LIMCH1: variants seen among roughly 807,000 people sequenced by gnomAD.
The protein encoded by LIMCH1 is LIM and calponin homology domains 1, also known as LIM and calponin homology domains-containing protein 1.
Under a neutral mutation model 176.5 loss-of-function variants are expected in LIMCH1, and 113 were observed. The observed-to-expected ratio is 0.64, with a 90% CI of 0.55 to 0.75. The LOEUF (loss-of-function observed/expected upper bound fraction) is 0.75. Among genes scored for constraint, LIMCH1 ranks in the 30% least tolerant of loss-of-function variants. The pLI is 0.00. For missense variants in LIMCH1, 1,674 were observed against 1,814.9 expected (o/e 0.92, Z 1.41); for synonymous variants, 619 against 645.9 (o/e 0.96, Z 0.63).
Position 41,699,803 on chromosome 4 carries a change from T to C in LIMCH1, c.*2618T>C, listed in dbSNP as rs1250272981. ...AGTGTGATTAATGCAATACATATTA[T>C]AGTTATCTATACACAGTGTAAGATT... On this transcript the variant is annotated 3_prime_UTR_variant, in exon 32 of 32. Coordinates refer to ENST00000503057, the MANE Select transcript of LIMCH1 (RefSeq NM_001330672.2). 1 of 152,234 alleles carries C rather than the reference T, an allele frequency of 6.6e-6. No individual in the cohort carries two copies. Among genetic ancestry groups the C allele is most frequent in the East Asian group, 1.9e-4 (1 of 5,206 alleles). The allele number at this position is 152,234 out of a possible 1,614,324, so 9.4% of individuals were successfully genotyped here.
chr4:41,629,648 C>T lies in LIMCH1; in HGVS notation c.1185C>T (p.Arg395=), dbSNP rs898043613. 1.6e-5 allele frequency: 25 copies of T among 1,536,012 alleles called. No homozygotes were observed. The highest frequency in any genetic ancestry group is 1.7e-4 in the Middle Eastern group (1 of 5,990). ...QRIQGSLAPH[R]EPPSFITLSN... ...TTCAGGGCAGCCTTGCCCCTCACCG[C>T]GAGCCCCCGAGCTTCATTACGCTCT... is the stretch of plus-strand genomic sequence containing the variant. The change falls in exon 9 of 32, where the codon CGC becomes CGT. Residue 395 remains arginine (R), a synonymous_variant. Coordinates refer to ENST00000503057, the MANE Select transcript of LIMCH1 (RefSeq NM_001330672.2).
intron 1 of LIMCH1, among the ~76,000 whole-genome samples, chr4:41,381,747 A>C (rs2055701881): frequency 6.6e-6 from 1 of 152,062 alleles, no homozygotes; most frequent in Admixed American, 6.5e-5. Context: ...AGGATGAGAG[A>C]CCTGGACAAA....
chr4:41,395,800 C>T (rs1022994396), intron 1 of LIMCH1, among the ~76,000 whole-genome samples: 3 of 152,092 alleles, frequency 2.0e-5, no homozygotes, highest in Non-Finnish European at 4.4e-5. Context: ...GAGCTAGCTC[C>T]TGCCTTCTGG....
intron 1 of LIMCH1, among the ~76,000 whole-genome samples, chr4:41,563,077 G>A (rs2152560236): frequency 6.6e-6 from 1 of 152,206 alleles, no homozygotes; most frequent in East Asian, 1.9e-4. Flanking sequence ...TGCTTAAGTT[G>A]GGAAGATTCA....
At chr4:41,558,478 C>T (rs1241432594) in intron 1 of LIMCH1, among the ~76,000 whole-genome samples, 1 of 152,166 alleles carries the variant, frequency 6.6e-6, no homozygotes, top group East Asian at 1.9e-4. Context: ...AATCCATATT[C>T]CTTTCCACAG....
intron 2 of LIMCH1, among the ~76,000 whole-genome samples, chr4:41,500,845 GAGCTGAA>G (rs1391728663): frequency 6.6e-6 from 1 of 152,204 alleles, no homozygotes; most frequent in African/African-American, 2.4e-5. Context: ...GGGCATGAGA[GAGCTGAA>G]AGGTTAGGAG....
intron 21 of LIMCH1, chr4:41,671,209 G>A (rs2095011985): frequency 5.9e-6 from 1 of 169,358 alleles, no homozygotes; most frequent in South Asian, 2.0e-4. Flanking sequence ...GCTCAGTCAA[G>A]CCACAATGCA....
intron 7 of LIMCH1, among the ~76,000 whole-genome samples, chr4:41,624,534 C>T (rs1414743523): frequency 1.4e-5 from 2 of 143,250 alleles, no homozygotes; most frequent in Non-Finnish European, 3.0e-5. Flanking sequence ...CAAGTAATTG[C>T]GGTTTTGCCA....
chr4:41,365,062 G>C (rs2052766190), intron 1 of LIMCH1, among the ~76,000 whole-genome samples: 1 of 152,324 alleles, frequency 6.6e-6, no homozygotes, highest in Non-Finnish European at 1.5e-5. Flanking sequence ...TGAAGAAACA[G>C]ATGTCCTTCG....
chr4:41,502,999 G>GTCTGTCCA (rs1554075692), intron 2 of LIMCH1, among the ~76,000 whole-genome samples: 18,316 of 138,204 alleles, frequency 0.13, 1,339 homozygotes, highest in South Asian at 0.2. Flanking sequence ...TGGTCTGTCT[G>GTCTGTCCA]TCCATCCATC....
intron 20 of LIMCH1, among the ~76,000 whole-genome samples, chr4:41,665,069 T>C (rs767555831): frequency 1.3e-5 from 2 of 152,212 alleles, no homozygotes; most frequent in Non-Finnish European, 2.9e-5. Context: ...TCACTTAGAC[T>C]ATGTGAATTT....
intron 3 of LIMCH1, among the ~76,000 whole-genome samples, chr4:41,530,183 A>G (rs192148050): frequency 1.4e-4 from 21 of 152,318 alleles, no homozygotes; most frequent in Middle Eastern, 3.4e-3. Context: ...ACATTATGAG[A>G]AGATTAAAAA....
intron 25 of LIMCH1, 73 bp from the exon 26 acceptor site, chr4:41,682,257 TATC>T (rs955229206): frequency 1.8e-6 from 2 of 1,085,962 alleles, no homozygotes; most frequent in Non-Finnish European, 2.5e-6. Context: ...ATACTTCAAA[TATC>T]CCTGGCCAGA....
chr4:41,616,029 T>C (rs2092023254), intron 5 of LIMCH1, among the ~76,000 whole-genome samples: 1 of 152,018 alleles, frequency 6.6e-6, no homozygotes, highest in Admixed American at 6.5e-5. Flanking sequence ...ATTAATAGCA[T>C]CTCTTATGAG....
chr4:41,389,473 G>T, intron 1 of LIMCH1: 1 of 196,904 alleles, frequency 5.1e-6, no homozygotes, highest in East Asian at 1.2e-4. Flanking sequence ...AGAACTCTCT[G>T]GAATCATTAC....
rs537256630 is a variant in LIMCH1 at position 41,401,406 on chromosome 4, C to A, written c.96+40470C>A. 7.0e-3 allele frequency among the ~76,000 whole-genome samples: 1,061 copies of A among 152,272 alleles called. 13 individuals carry two copies. The highest frequency in any genetic ancestry group is 0.024 in the African/African-American group (1,010 of 41,532). ...ATTGATCTATATCTCTGTTTTGATA[C>A]CAGTACCATGCTGTTTTGGTTACTG... On this transcript the variant is annotated intron_variant, in intron 1 of 26. Transcript: ENST00000313860.
At chr4:41,486,268 CT>C (rs902343015) in intron 1 of LIMCH1, among the ~76,000 whole-genome samples, 5 of 152,142 alleles carry the variant, frequency 3.3e-5, no homozygotes, top group Non-Finnish European at 7.4e-5. Flanking sequence ...CCATCCTGCC[CT>C]TGTGTCTTTG....
chr4:41,565,386 C>T (rs1056341899), intron 1 of LIMCH1, among the ~76,000 whole-genome samples: 7 of 139,688 alleles, frequency 5.0e-5, no homozygotes, highest in South Asian at 2.3e-4. Flanking sequence ...CACACACATA[C>T]ACACACACAC....
intron 10 of LIMCH1, among the ~76,000 whole-genome samples, chr4:41,631,925 A>G (rs1314251067): frequency 1.3e-5 from 2 of 152,204 alleles, no homozygotes; most frequent in African/African-American, 4.8e-5. Context: ...TAGACATATT[A>G]AAAAAGTAAA....
Sources: allele counts gnomAD v4.1 joint callset (sites outside exome capture counted in the v4.1 genomes callset), GRCh38; gene constraint gnomAD v4.1.1; transcripts MANE v1.5; gene names NCBI Gene and HGNC (gene_info 2026-07-23, HGNC 2026-07-21).